MCCC2: variants seen among roughly 807,000 people sequenced by gnomAD.
MCCC2 encodes the protein methylcrotonoyl-CoA carboxylase beta chain, mitochondrial.
In MCCC2, 52 loss-of-function variants were observed where a neutral mutation model predicts 77.2. The ratio of observed to expected loss-of-function variants is 0.67; its 90% confidence interval spans 0.54 to 0.85. The LOEUF (loss-of-function observed/expected upper bound fraction) is 0.85, where lower values mean the gene tolerates loss of function less well. Ranked by LOEUF, MCCC2 falls within the 40% of genes least tolerant of loss-of-function variation. MCCC2 has a pLI of 0.00. For synonymous variants in MCCC2, 253 were observed against 248.4 expected, an observed-to-expected ratio of 1.02 and a Z score of -0.18; for missense variants, 682 against 703.2, an observed-to-expected ratio of 0.97 and a Z score of 0.34.
intron 3 of MCCC2, among the ~76,000 whole-genome samples, chr5:71,597,721 C>G (rs940870229): frequency 6.6e-6 from 1 of 152,164 alleles, no homozygotes; most frequent in African/African-American, 2.4e-5. Flanking sequence ...CTGTTAACAC[C>G]TAGTATATTA....
At chr5:71,642,697 T>G (rs1747160318) in intron 11 of MCCC2, among the ~76,000 whole-genome samples, 1 of 152,228 alleles carries the variant, frequency 6.6e-6, no homozygotes. Flanking sequence ...TCTGGACTTT[T>G]TGGAAGTTTA....
intron 10 of MCCC2, among the ~76,000 whole-genome samples, chr5:71,639,816 A>C (rs6869969): frequency 0.02 from 3,007 of 152,326 alleles, 105 homozygotes; most frequent in African/African-American, 0.069. Flanking sequence ...AAAACAGATA[A>C]CTGTTACATT....
chr5:71,638,597 TGCAACC>T lies in MCCC2; in HGVS notation c.1000-2405_1000-2400del, dbSNP rs377246418. ...ATGCAGTGGCGCAATCTTGGCTCAC[TGCAACC>T]TCTATCTTCCAGGTTCAAGCAATTC... On this transcript the variant is annotated intron_variant, in intron 10 of 16. Coordinates refer to ENST00000340941, the MANE Select transcript of MCCC2 (RefSeq NM_022132.5). Among the ~76,000 whole-genome samples the T allele has an allele frequency of 2.0e-4, 30 of 152,330 alleles. No individual in the cohort carries two copies. The East Asian group carries it at 2.9e-3, about 15-fold the overall frequency.
chr5:71,594,362 C>G (rs1221604449), intron 2 of MCCC2, among the ~76,000 whole-genome samples: 1 of 151,960 alleles, frequency 6.6e-6, no homozygotes, highest in Admixed American at 6.6e-5. Context: ...AACCCTGTCT[C>G]TACTAAAAAT....
At chr5:71,630,209 A>C (rs1027504845) in intron 7 of MCCC2, among the ~76,000 whole-genome samples, 1 of 152,136 alleles carries the variant, frequency 6.6e-6, no homozygotes, top group African/African-American at 2.4e-5. Context: ...GCTTGACCGA[A>C]TGTTGAGAAA....
chr5:71,635,596 A>G (rs189729578), intron 10 of MCCC2: 1 of 361,210 alleles, frequency 2.8e-6, no homozygotes, highest in Admixed American at 3.9e-5. Context: ...ATTTTGGGAA[A>G]TGGGTGAAAT....
Position 71,608,778 on chromosome 5 carries a change from T to G in MCCC2, c.624+4310T>G, listed in dbSNP as rs923557157. ...GGGCAGGCCTGGTGGTGACAGAATC[T>G]CTCAGCATTTGCTTGTCTGTAAAGG... is the stretch of plus-strand genomic sequence containing the variant. On this transcript the variant is annotated intron_variant, in intron 6 of 16. Transcript: ENST00000340941. Among the ~76,000 whole-genome samples, 5 of 152,300 alleles carry G rather than the reference T, an allele frequency of 3.3e-5. No homozygotes were observed. In the East Asian group the frequency reaches 7.7e-4, roughly 23 times the overall value.
intron 5 of MCCC2, among the ~76,000 whole-genome samples, chr5:71,603,258 T>C (rs983269081): frequency 4.0e-5 from 6 of 151,104 alleles, no homozygotes; most frequent in Non-Finnish European, 8.8e-5. Flanking sequence ...TAAAAAAAAA[T>C]ACAAAAAATT....
At chr5:71,610,942 T>C (rs1162701893) in intron 6 of MCCC2, among the ~76,000 whole-genome samples, 1 of 152,184 alleles carries the variant, frequency 6.6e-6, no homozygotes, top group Non-Finnish European at 1.5e-5. Context: ...GCTGAGATCA[T>C]GCCACTGCAC....
intron 2 of MCCC2, among the ~76,000 whole-genome samples, chr5:71,595,865 T>TGGAAATTTA (rs1745166370): frequency 6.6e-6 from 1 of 152,216 alleles, no homozygotes. Context: ...ACTGCACTTA[T>TGGAAATTTA]CATGGAAGTA....
chr5:71,610,241 C>A (rs1160645682), intron 6 of MCCC2, among the ~76,000 whole-genome samples: 1 of 152,236 alleles, frequency 6.6e-6, no homozygotes, highest in Non-Finnish European at 1.5e-5. Flanking sequence ...GTAGGACCCT[C>A]CGAGCCAGGT....
intron 8 of MCCC2, among the ~76,000 whole-genome samples, chr5:71,632,620 T>C (rs1013089647): frequency 2.0e-5 from 3 of 152,214 alleles, no homozygotes; most frequent in Non-Finnish European, 4.4e-5. Flanking sequence ...GAGGTGGGTC[T>C]GCCCTGGGGT....
intron 7 of MCCC2, among the ~76,000 whole-genome samples, chr5:71,627,303 G>A (rs896808065): frequency 3.9e-5 from 6 of 152,174 alleles, no homozygotes; most frequent in Admixed American, 3.9e-4. Flanking sequence ...CTATGAACAT[G>A]GGTGTACAAA....
chr5:71,603,457 T>G (rs1449361817), intron 5 of MCCC2, among the ~76,000 whole-genome samples: 1 of 149,932 alleles, frequency 6.7e-6, no homozygotes, highest in Non-Finnish European at 1.5e-5. Context: ...TTCCTGATAC[T>G]GGGTTAGTCT....
Position 71,599,772 on chromosome 5 carries a change from A to G in MCCC2, c.383+12A>G, listed in dbSNP as rs1325973306. 3 of 1,603,810 alleles carry G rather than the reference A, an allele frequency of 1.9e-6. No individual in the cohort carries two copies. Among genetic ancestry groups the G allele is most frequent in the Non-Finnish European group, 2.6e-6 (3 of 1,170,788 alleles). On this transcript the variant is annotated intron_variant, in intron 4 of 16. Coordinates refer to ENST00000340941, the MANE Select transcript of MCCC2 (RefSeq NM_022132.5). ...GGAAGAGTATCAGGGTGAGTATTCT[A>G]CTTGTGCTTCATAATGTGGGTTGAG...
intron 12 of MCCC2, among the ~76,000 whole-genome samples, chr5:71,645,564 G>A (rs569074870): frequency 3.9e-5 from 6 of 152,310 alleles, no homozygotes; most frequent in African/African-American, 1.4e-4. Flanking sequence ...AATTTCAGAT[G>A]ATCATCAAAA....
chr5:71,635,148 C>T lies in MCCC2; in HGVS notation c.904-3C>T, dbSNP rs778419079. Reference sequence around the variant, plus strand: ...CAGGTTAACATGATCTATATTTCTGCAGGTCACCATTGAACCTTCTGAAGA... The same window carrying T: ...CAGGTTAACATGATCTATATTTCTGTAGGTCACCATTGAACCTTCTGAAGA... On this transcript the variant is annotated splice_polypyrimidine_tract_variant and splice_region_variant and intron_variant, in intron 9 of 16. Coordinates refer to ENST00000340941, the MANE Select transcript of MCCC2 (RefSeq NM_022132.5). 2 of 1,614,036 alleles carry T rather than the reference C, an allele frequency of 1.2e-6. No individual in the cohort carries two copies. Among genetic ancestry groups the T allele is most frequent in the South Asian group, 2.2e-5 (2 of 91,076 alleles).
chr5:71,589,454 C>T (rs1173450540), intron 1 of MCCC2, among the ~76,000 whole-genome samples: 4 of 152,236 alleles, frequency 2.6e-5, no homozygotes, highest in Admixed American at 1.3e-4. Flanking sequence ...ATGTGTCTTC[C>T]CATTCCTGGA....
intron 7 of MCCC2, among the ~76,000 whole-genome samples, chr5:71,627,468 C>T (rs1018136989): frequency 1.3e-5 from 2 of 152,148 alleles, no homozygotes; most frequent in African/African-American, 4.8e-5. Context: ...TGTGTTCTAG[C>T]TATCCATTCA....
Sources: gnomAD v4.1 joint callset for allele counts (sites outside exome capture counted in the v4.1 genomes callset) on GRCh38, gnomAD v4.1.1 for gene constraint, MANE v1.5 for transcripts, NCBI Gene and HGNC (gene_info 2026-07-23, HGNC 2026-07-21) for gene names.